The following CADM2 variants were observed in gnomAD, a reference collection of about 807,000 sequenced individuals.
CADM2 encodes the protein immunoglobulin superfamily member 4D.
CADM2 carries 12 observed loss-of-function variants against 49.8 expected under a neutral mutation model. The ratio of observed to expected loss-of-function variants is 0.24; its 90% CI spans 0.15 to 0.39. The LOEUF is 0.39. Ranked by LOEUF, CADM2 falls within the 10% of genes least tolerant of loss-of-function variation. The pLI, the probability that CADM2 is intolerant of heterozygous loss-of-function variation, is 1.00. For synonymous variants in CADM2, 214 were observed against 175.4 expected (o/e 1.22, Z -1.74); for missense variants, 378 against 492.3 (o/e 0.77, Z 2.20).
chr3:85,638,905 A>C (rs1216984709), intron 1 of CADM2, among the ~76,000 whole-genome samples: 1 of 152,116 alleles, frequency 6.6e-6, no homozygotes, highest in Non-Finnish European at 1.5e-5. Flanking sequence ...AAACTTAGAA[A>C]GGTTTTTTCT....
At chr3:85,347,223 C>CAAAAAAAAAAAAAA (rs11331703) in intron 1 of CADM2, among the ~76,000 whole-genome samples, 6 of 46,148 alleles carry the variant, frequency 1.3e-4, no homozygotes, top group Non-Finnish European at 1.7e-4. Context: ...CTCTGTCTCA[C>CAAAAAAAAAAAAAA]AAAAAAAAAA....
chr3:85,434,555 A>G (rs1451609951), intron 1 of CADM2, among the ~76,000 whole-genome samples: 2 of 152,076 alleles, frequency 1.3e-5, no homozygotes. Context: ...TACACTTTGA[A>G]TTCTACATTC....
chr3:85,632,562 G>A (rs2064345591), intron 1 of CADM2, among the ~76,000 whole-genome samples: 1 of 152,020 alleles, frequency 6.6e-6, no homozygotes, highest in African/African-American at 2.4e-5. Context: ...ATTCTTTTCA[G>A]CACCATATGG....
chr3:85,058,977 C>T (rs1158435746), intron 1 of CADM2, among the ~76,000 whole-genome samples: 2 of 151,230 alleles, frequency 1.3e-5, no homozygotes, highest in Non-Finnish European at 2.9e-5. Flanking sequence ...ATCAAATTTC[C>T]TTAAGGTCTA....
At chr3:85,644,643 A>C (rs191999008) in intron 1 of CADM2, among the ~76,000 whole-genome samples, 1 of 152,184 alleles carries the variant, frequency 6.6e-6, no homozygotes, top group African/African-American at 2.4e-5. Context: ...ACCCTTCTAG[A>C]TTTCACTCTC....
chr3:85,351,169 A>G (rs1194050456), intron 1 of CADM2, among the ~76,000 whole-genome samples: 8 of 152,222 alleles, frequency 5.3e-5, no homozygotes, highest in African/African-American at 1.7e-4. Context: ...TGCTTACTCA[A>G]ATAAAATATT....
At chr3:86,032,804 A>G (rs1441293978) in intron 8 of CADM2, among the ~76,000 whole-genome samples, 1 of 151,974 alleles carries the variant, frequency 6.6e-6, no homozygotes, top group African/African-American at 2.4e-5. Flanking sequence ...AACTATTTGC[A>G]TAGTTACCTA....
intron 2 of CADM2, among the ~76,000 whole-genome samples, chr3:85,732,240 G>A (rs1362369219): frequency 5.3e-5 from 8 of 151,556 alleles, no homozygotes; most frequent in Non-Finnish European, 1.2e-4. Context: ...CAGCCTGGGC[G>A]ACAGAGGGAG....
intron 1 of CADM2, among the ~76,000 whole-genome samples, chr3:85,716,512 G>A (rs1484785109): frequency 6.6e-6 from 1 of 152,148 alleles, no homozygotes; most frequent in Non-Finnish European, 1.5e-5. Flanking sequence ...CATTTACTTA[G>A]ATCCCATTTG....
rs141516830 is a variant in CADM2, at chr3:85,398,930, A to C, written c.62-327592A>C. Among the ~76,000 whole-genome samples the C allele has an allele frequency of 2.6e-4, 40 of 152,112 alleles. No individual in the cohort carries two copies. In the East Asian group the frequency reaches 7.5e-3, roughly 29 times the overall value. On this transcript the variant is annotated intron_variant, in intron 1 of 9. Coordinates refer to ENST00000383699, the MANE Select transcript of CADM2 (RefSeq NM_001167675.2). ...CTTTGTCAGATGAGTAGATTGCAAA[A>C]ATTTTCTCCCATTCTGTAGACTGCC...
chr3:84,969,421 G>A (rs1029389742), intron 1 of CADM2, among the ~76,000 whole-genome samples: 1 of 151,496 alleles, frequency 6.6e-6, no homozygotes, highest in Admixed American at 6.6e-5. Flanking sequence ...AGAGAACTGA[G>A]CATTTGATTT....
chr3:85,311,624 C>T (rs1054378140), intron 1 of CADM2, among the ~76,000 whole-genome samples: 1 of 152,068 alleles, frequency 6.6e-6, no homozygotes, highest in Non-Finnish European at 1.5e-5. Flanking sequence ...GATCCGCCCG[C>T]CTCGGCCTCC....
chr3:86,005,891 A>G (rs767548620), intron 8 of CADM2, among the ~76,000 whole-genome samples: 18 of 152,060 alleles, frequency 1.2e-4, no homozygotes, highest in Non-Finnish European at 8.8e-5. Context: ...AGCCTCTGGT[A>G]GCCATCCTTC....
intron 8 of CADM2, among the ~76,000 whole-genome samples, chr3:86,062,139 A>G (rs1578095061): frequency 1.3e-5 from 2 of 152,206 alleles, no homozygotes; most frequent in East Asian, 3.8e-4. Flanking sequence ...ATGAACAAAA[A>G]TGATTTCTAA....
At chr3:85,403,994 A>G (rs79010395) in intron 1 of CADM2, among the ~76,000 whole-genome samples, 4,776 of 152,178 alleles carry the variant, frequency 0.031, 192 homozygotes, top group East Asian at 0.16. Context: ...AAAAAGAAAA[A>G]CTTGGAATTT....
At chr3:85,657,748 A>G (rs1452192098) in intron 1 of CADM2, among the ~76,000 whole-genome samples, 1 of 121,614 alleles carries the variant, frequency 8.2e-6, no homozygotes, top group Non-Finnish European at 1.8e-5. Context: ...ATACAGATAT[A>G]TATATATACA....
intron 1 of CADM2, among the ~76,000 whole-genome samples, chr3:85,333,420 T>C (rs1559784663): frequency 6.6e-6 from 1 of 151,768 alleles, no homozygotes; most frequent in Non-Finnish European, 1.5e-5. Flanking sequence ...TATGTCTATA[T>C]TATATGTAAA....
chr3:85,973,892 G>T (rs975219033), intron 8 of CADM2, among the ~76,000 whole-genome samples: 1 of 151,632 alleles, frequency 6.6e-6, no homozygotes, highest in Non-Finnish European at 1.5e-5. Flanking sequence ...GAAATTAGGT[G>T]GGCTTAGCTG....
At chr3:85,935,581 G>T (rs1721107127) in intron 6 of CADM2, among the ~76,000 whole-genome samples, 186 bp from the exon 7 acceptor site, 1 of 151,884 alleles carries the variant, frequency 6.6e-6, no homozygotes. Context: ...TGTTAGCTTT[G>T]CATGGACAGG....
Sources: gnomAD v4.1 joint callset for allele counts (sites outside exome capture counted in the v4.1 genomes callset) on GRCh38, gnomAD v4.1.1 for gene constraint, MANE v1.5 for transcripts, NCBI Gene and HGNC (gene_info 2026-07-23, HGNC 2026-07-21) for gene names.